TAFA1: variants seen among roughly 807,000 people sequenced by gnomAD.
TAFA1 encodes the protein chemokine-like protein TAFA-1.
TAFA1 carries 4 observed loss-of-function variants against 18.5 expected under a neutral mutation model. That is an observed-to-expected ratio of 0.22 (90% CI 0.11 to 0.49). The LOEUF (loss-of-function observed/expected upper bound fraction) is 0.49. Among genes scored for constraint, TAFA1 ranks in the 20% least tolerant of loss-of-function variants. The pLI is 0.98. For missense variants in TAFA1, 147 were observed against 169.0 expected, an observed-to-expected ratio of 0.87 and a Z score of 0.72; for synonymous variants, 56 against 55.2, an observed-to-expected ratio of 1.01 and a Z score of -0.06.
intron 2 of TAFA1, among the ~76,000 whole-genome samples, chr3:68,177,315 G>C (rs1025551786): frequency 6.6e-5 from 10 of 152,130 alleles, no homozygotes; most frequent in Admixed American, 5.9e-4. Flanking sequence ...TTTAGAACCA[G>C]CTCTTTTAGA....
At chr3:68,166,938 G>T (rs1054294719) in intron 2 of TAFA1, among the ~76,000 whole-genome samples, 6 of 152,212 alleles carry the variant, frequency 3.9e-5, no homozygotes, top group African/African-American at 1.4e-4. Flanking sequence ...GATCAAGGAT[G>T]TAAACTGGCC....
At chr3:68,177,356 A>G (rs564478506) in intron 2 of TAFA1, among the ~76,000 whole-genome samples, 29 of 152,278 alleles carry the variant, frequency 1.9e-4, no homozygotes, top group African/African-American at 7.0e-4. Context: ...CTTCTCTTAG[A>G]TGTAGCTACA....
chr3:68,364,154 G>C (rs2069524335), intron 2 of TAFA1, among the ~76,000 whole-genome samples: 1 of 152,186 alleles, frequency 6.6e-6, no homozygotes, highest in Admixed American at 6.6e-5. Flanking sequence ...TGAAGGCCTT[G>C]TTGCTATCTC....
chr3:68,478,043 G>A (rs545088588), intron 3 of TAFA1, among the ~76,000 whole-genome samples: 1 of 152,302 alleles, frequency 6.6e-6, no homozygotes, highest in East Asian at 1.9e-4. Context: ...TTTAAATCAT[G>A]GGGTGAAATT....
chr3:68,153,548 A>C (rs1015633424), intron 2 of TAFA1, among the ~76,000 whole-genome samples: 2 of 152,152 alleles, frequency 1.3e-5, no homozygotes, highest in African/African-American at 4.8e-5. Context: ...AGGTCTTTGG[A>C]ATTGAGCTCT....
chr3:68,321,524 T>C (rs930012828), intron 2 of TAFA1, among the ~76,000 whole-genome samples: 8 of 152,216 alleles, frequency 5.3e-5, no homozygotes, highest in Admixed American at 5.2e-4. Context: ...CTTTGGCTTT[T>C]CTAAGAGTCA....
intron 3 of TAFA1, among the ~76,000 whole-genome samples, chr3:68,442,055 C>T (rs2071393672): frequency 6.6e-6 from 1 of 152,184 alleles, no homozygotes. Flanking sequence ...CCAAATTCTT[C>T]CAGCCTCTGC....
intron 2 of TAFA1, among the ~76,000 whole-genome samples, chr3:68,185,151 C>T (rs1457193139): frequency 6.6e-6 from 1 of 151,320 alleles, no homozygotes; most frequent in African/African-American, 2.4e-5. Context: ...AACCAGTCCG[C>T]ATGGGAGACA....
At position 68,218,479 on chromosome 3, in the gene TAFA1, G is replaced by A. The variant is rs527454927; in HGVS notation, c.119-198801G>A. ...TGGGGATGAGGAATGAGTCGATGGG[G>A]CGTCAGTCTCACAGTCATCACCACT... On this transcript the variant is annotated intron_variant, in intron 2 of 4. Transcript: ENST00000478136. 3.9e-5 allele frequency among the ~76,000 whole-genome samples: 6 copies of A among 152,118 alleles called. No individual in the cohort carries two copies. The South Asian group carries it at 1.2e-3, about 32-fold the overall frequency.
chr3:68,023,386 C>T (rs73837239), intron 2 of TAFA1, among the ~76,000 whole-genome samples: 4,412 of 152,110 alleles, frequency 0.029, 91 homozygotes, highest in East Asian at 0.13. Context: ...TTTGTAGGTT[C>T]AACATCAAAT....
chr3:68,260,446 G>T (rs986798260), intron 2 of TAFA1, among the ~76,000 whole-genome samples: 6 of 152,054 alleles, frequency 3.9e-5, no homozygotes, highest in South Asian at 2.1e-4. Context: ...GATGATGCTG[G>T]CCTCATAAAA....
At chr3:68,079,217 G>A (rs939741604) in intron 2 of TAFA1, among the ~76,000 whole-genome samples, 2 of 152,052 alleles carry the variant, frequency 1.3e-5, no homozygotes, top group Admixed American at 6.5e-5. Context: ...CTCATTAATA[G>A]TCTTGCTAGT....
chr3:68,268,478 A>G (rs1467276741), intron 2 of TAFA1, among the ~76,000 whole-genome samples: 1 of 151,752 alleles, frequency 6.6e-6, no homozygotes, highest in Non-Finnish European at 1.5e-5. Flanking sequence ...TCCTTGAGAT[A>G]TTTTCTTCCT....
chr3:68,260,921 G>T (rs1229262576), intron 2 of TAFA1, among the ~76,000 whole-genome samples: 3 of 152,042 alleles, frequency 2.0e-5, no homozygotes, highest in African/African-American at 4.8e-5. Flanking sequence ...TTGACAAATG[G>T]GATCTAATTA....
chr3:68,039,210 A>T (rs949836295), intron 2 of TAFA1, among the ~76,000 whole-genome samples: 6 of 152,168 alleles, frequency 3.9e-5, no homozygotes, highest in Admixed American at 1.3e-4. Context: ...TCTATTGTTG[A>T]AATCTTAGAT....
At chr3:68,405,236 G>C (rs978923019) in intron 2 of TAFA1, among the ~76,000 whole-genome samples, 2 of 152,020 alleles carry the variant, frequency 1.3e-5, no homozygotes, top group Admixed American at 6.6e-5. Flanking sequence ...CATTTTAAGA[G>C]AATAAAAAGA....
chr3:68,373,309 A>G (rs1372568693), intron 2 of TAFA1, among the ~76,000 whole-genome samples: 1 of 152,212 alleles, frequency 6.6e-6, no homozygotes, highest in Non-Finnish European at 1.5e-5. Context: ...AAGAACATAT[A>G]TTTTTATTCT....
intron 2 of TAFA1, among the ~76,000 whole-genome samples, chr3:68,361,203 G>A (rs531700378): frequency 6.9e-4 from 105 of 152,094 alleles, no homozygotes; most frequent in Middle Eastern, 3.4e-3. Context: ...CAACATTGAT[G>A]GAACTGGAAG....
intron 2 of TAFA1, among the ~76,000 whole-genome samples, chr3:68,330,949 G>T (rs1055649670): frequency 6.6e-6 from 1 of 151,680 alleles, no homozygotes; most frequent in Non-Finnish European, 1.5e-5. Flanking sequence ...ATACCTAAAA[G>T]AATTGAAAAT....
Sources: allele counts gnomAD v4.1 joint callset (sites outside exome capture counted in the v4.1 genomes callset), GRCh38; gene constraint gnomAD v4.1.1; transcripts MANE v1.5; gene names NCBI Gene and HGNC (gene_info 2026-07-23, HGNC 2026-07-21).